The following SCMH1 variants were observed in gnomAD, a reference collection of about 807,000 sequenced individuals.
The protein encoded by SCMH1 is polycomb protein SCMH1.
In SCMH1, 37 loss-of-function variants were observed where a neutral mutation model predicts 70.8. The ratio of observed to expected loss-of-function variants is 0.52; its 90% CI spans 0.40 to 0.69. The LOEUF (loss-of-function observed/expected upper bound fraction) is 0.69. Among genes scored for constraint, SCMH1 ranks in the 30% least tolerant of loss-of-function variants. The pLI, the probability that SCMH1 is intolerant of heterozygous loss-of-function variation, is 0.00. For missense variants in SCMH1, 607 were observed against 827.3 expected (o/e 0.73, Z 3.27); for synonymous variants, 292 against 307.4 (o/e 0.95, Z 0.52).
chr1:41,182,085 A>C (rs182349506), intron 2 of SCMH1, among the ~76,000 whole-genome samples: 115 of 152,334 alleles, frequency 7.5e-4, no homozygotes, highest in African/African-American at 2.5e-3. Flanking sequence ...CATCCTCAAC[A>C]AACTATCGCA....
intron 5 of SCMH1, among the ~76,000 whole-genome samples, chr1:41,145,870 A>T (rs1644505083): frequency 6.6e-6 from 1 of 152,224 alleles, no homozygotes; most frequent in Admixed American, 6.5e-5. Flanking sequence ...CCAGCTGTAT[A>T]AAAGTATAGC....
chr1:41,177,668 G>C (rs1311379323), intron 2 of SCMH1, among the ~76,000 whole-genome samples: 2 of 152,184 alleles, frequency 1.3e-5, no homozygotes, highest in Non-Finnish European at 2.9e-5. Context: ...ATGAAATGAA[G>C]TGAGAAGAGA....
At chr1:41,089,389 C>T (rs1662665562) in intron 8 of SCMH1, among the ~76,000 whole-genome samples, 2 of 152,186 alleles carry the variant, frequency 1.3e-5, no homozygotes, top group Admixed American at 1.3e-4. Context: ...GTCCTTGACC[C>T]CTCTCTTCTT....
intron 4 of SCMH1, among the ~76,000 whole-genome samples, chr1:41,159,326 C>G (rs1645826163): frequency 6.6e-6 from 1 of 152,166 alleles, no homozygotes; most frequent in South Asian, 2.1e-4. Context: ...TTTCACAACT[C>G]CCCATCAACA....
intron 4 of SCMH1, among the ~76,000 whole-genome samples, chr1:41,153,955 T>C (rs1360872725): frequency 6.6e-6 from 1 of 152,146 alleles, no homozygotes; most frequent in East Asian, 1.9e-4. Flanking sequence ...GACAATATAA[T>C]AAAAATTTTA....
chr1:41,038,164 T>A (rs1023757119), intron 12 of SCMH1: 3 of 152,264 alleles, frequency 2.0e-5, no homozygotes, highest in African/African-American at 7.2e-5. Context: ...AGTCTCCTCA[T>A]CTACAACATG....
At chr1:41,097,657 A>C (rs721651) in intron 8 of SCMH1, among the ~76,000 whole-genome samples, 129,463 of 152,158 alleles carry the variant, frequency 0.85, 55,578 homozygotes, top group East Asian at 0.96. Context: ...TCTTCCACTC[A>C]AATACCACTG....
chr1:41,190,353 A>C (rs952198478), intron 1 of SCMH1, among the ~76,000 whole-genome samples: 1 of 152,146 alleles, frequency 6.6e-6, no homozygotes, highest in African/African-American at 2.4e-5. Context: ...CCCAAGGGAG[A>C]GAATTAGAAC....
At chr1:41,200,516 T>TATA (rs749044541) in intron 1 of SCMH1, among the ~76,000 whole-genome samples, 3,856 of 145,878 alleles carry the variant, frequency 0.026, 72 homozygotes, top group Admixed American at 0.035. Flanking sequence ...ATAATAATAA[T>TATA]ATAATAATAA....
At chr1:41,136,545 T>A (rs976464273) in intron 6 of SCMH1, among the ~76,000 whole-genome samples, 2 of 151,946 alleles carry the variant, frequency 1.3e-5, no homozygotes, top group African/African-American at 4.8e-5. Flanking sequence ...AGCTAATTTT[T>A]GTATTTTTAG....
intron 10 of SCMH1, among the ~76,000 whole-genome samples, chr1:41,052,546 T>C (rs1164517064): frequency 6.6e-6 from 1 of 152,226 alleles, no homozygotes; most frequent in Non-Finnish European, 1.5e-5. Flanking sequence ...ATTCACAAAA[T>C]GAGGATACTG....
At chr1:41,201,183 C>G (rs1654277338) in intron 1 of SCMH1, among the ~76,000 whole-genome samples, 1 of 152,196 alleles carries the variant, frequency 6.6e-6, no homozygotes, top group South Asian at 2.1e-4. Context: ...TGTAAATCCT[C>G]TCTAAAGTCT....
intron 2 of SCMH1, among the ~76,000 whole-genome samples, chr1:41,174,397 T>C (rs1169240643): frequency 6.6e-6 from 1 of 152,042 alleles, no homozygotes; most frequent in Non-Finnish European, 1.5e-5. Context: ...GAAACTGAAC[T>C]ACTACTCCAC....
chr1:41,189,395 C>G (rs1012690808), intron 1 of SCMH1, among the ~76,000 whole-genome samples: 2 of 152,218 alleles, frequency 1.3e-5, no homozygotes, highest in African/African-American at 4.8e-5. Context: ...AGGTGATCCA[C>G]CCGCCTCGGC....
chr1:41,041,776 C>T (rs1646207194), intron 12 of SCMH1, among the ~76,000 whole-genome samples: 1 of 152,150 alleles, frequency 6.6e-6, no homozygotes, highest in South Asian at 2.1e-4. Flanking sequence ...AGGATGACAA[C>T]TGGAAAGAAA....
At chr1:41,096,570 A>G (rs937671419) in intron 8 of SCMH1, among the ~76,000 whole-genome samples, 2 of 152,160 alleles carry the variant, frequency 1.3e-5, no homozygotes, top group African/African-American at 2.4e-5. Context: ...CTATGTTGCT[A>G]CGTGGGAGGT....
intron 1 of SCMH1, among the ~76,000 whole-genome samples, chr1:41,236,331 A>G (rs1314010335): frequency 6.6e-6 from 1 of 152,220 alleles, no homozygotes; most frequent in Non-Finnish European, 1.5e-5. Context: ...TCCATTTAAA[A>G]GAGCTACAGA....
At chr1:41,159,710 G>T in intron 4 of SCMH1, 1 of 1,529,616 alleles carries the variant, frequency 6.5e-7, no homozygotes, top group Non-Finnish European at 8.8e-7. Context: ...TTTATCAAGT[G>T]CCAGGCACCT....
chr1:41,176,619 G>C (rs1188626204), intron 2 of SCMH1, among the ~76,000 whole-genome samples: 1 of 152,230 alleles, frequency 6.6e-6, no homozygotes, highest in Non-Finnish European at 1.5e-5. Context: ...CGCCTGGCTC[G>C]GAGGGTCCTA....
Sources: gnomAD v4.1 joint callset for allele counts (sites outside exome capture counted in the v4.1 genomes callset) on GRCh38, gnomAD v4.1.1 for gene constraint, MANE v1.5 for transcripts, NCBI Gene and HGNC (gene_info 2026-07-23, HGNC 2026-07-21) for gene names.